CLDN5: variants seen among roughly 807,000 people sequenced by gnomAD.
The protein encoded by CLDN5 is claudin-5.
In CLDN5, 4 loss-of-function variants were observed where a neutral mutation model predicts 1.3. The observed-to-expected ratio is 3.07, with a 90% CI of 1.51 to 7.03. The LOEUF (loss-of-function observed/expected upper bound fraction) is 7.03. Among genes scored for constraint, CLDN5 ranks in the 30% most tolerant of loss-of-function variants. The probability of loss-of-function intolerance (pLI) is 0.00; values close to 1 mark genes in which losing one functional copy is unlikely to be tolerated. For synonymous variants in CLDN5, 156 were observed against 152.3 expected (o/e 1.02, Z -0.18); for missense variants, 225 against 303.5 (o/e 0.74, Z 1.92).
upstream of CLDN5, chr22:19,524,594 G>A: frequency 7.5e-7 from 1 of 1,332,362 alleles, no homozygotes; most frequent in Non-Finnish European, 9.6e-7. Flanking sequence ...GCGCGGGACC[G>A]CTCCCCGCCC....
Position 19,523,957 on chromosome 22 carries a change from G to T in CLDN5, c.299C>A (p.Ala100Glu). Residue 100 changes from alanine (A) to glutamate (E), a missense_variant, in exon 1 of 1, where the codon GCG becomes GAG. Physicochemically the swap from Ala to Glu is moderately radical, Grantham distance 107. Transcript: ENST00000618236. Reference sequence around the variant, plus strand: ...CACGCAGGTGGTGCACTGCGCGCCCGCCAGGGTCACGAAGAGCGCAACGAA... The same window carrying T: ...CACGCAGGTGGTGCACTGCGCGCCCTCCAGGGTCACGAAGAGCGCAACGAA... Reference protein sequence around the residue: ...LAFVALFVTLAGAQCTTCVAP... With the variant: ...LAFVALFVTLEGAQCTTCVAP... 1 of 1,588,174 alleles carries T rather than the reference G, an allele frequency of 6.3e-7. No homozygotes were observed. The highest frequency in any genetic ancestry group is 8.5e-7 in the Non-Finnish European group (1 of 1,172,502).
chr22:19,523,950 C>A lies in CLDN5; in HGVS notation c.306G>T (p.Ala102=). 1 of 1,589,350 alleles carries A rather than the reference C, an allele frequency of 6.3e-7. No homozygotes were observed. Among genetic ancestry groups the A allele is most frequent in the Non-Finnish European group, 8.5e-7 (1 of 1,172,772 alleles). Reference sequence around the variant, plus strand: ...CCGGGGCCACGCAGGTGGTGCACTGCGCGCCCGCCAGGGTCACGAAGAGCG... The same window carrying A: ...CCGGGGCCACGCAGGTGGTGCACTGAGCGCCCGCCAGGGTCACGAAGAGCG... ...FVALFVTLAG[A]QCTTCVAPGP... The change falls in exon 1 of 1, where the codon GCG becomes GCT. Residue 102 remains alanine, a synonymous_variant. Transcript: ENST00000618236.
At position 19,523,645 on chromosome 22, in the gene CLDN5, C is replaced by A; in HGVS notation, c.611G>T (p.Arg204Leu). Residue 204 changes from arginine to leucine, a missense_variant, in exon 1 of 1, where the codon CGG becomes CTG. This residue lies in a region of CLDN5 where 165 missense variants were observed against 211.9 expected (regional missense o/e 0.78). Coordinates refer to ENST00000618236, the MANE Select transcript of CLDN5 (RefSeq NM_001363066.2). ...GTAGTCGCCGGTGGCCGTGGGCCGCCGCGGCGCTGAGTACTTCACGGGGAA... is the reference window on the plus strand; with the variant it reads ...GTAGTCGCCGGTGGCCGTGGGCCGCAGCGGCGCTGAGTACTTCACGGGGAA... ...LSFPVKYSAP[R>L]RPTATGDYDK... 3.1e-6 allele frequency: 5 copies of A among 1,602,410 alleles called. No homozygotes were observed. The highest frequency in any genetic ancestry group is 4.2e-6 in the Non-Finnish European group (5 of 1,176,834).
upstream of CLDN5, chr22:19,524,760 C>T (rs555415909): frequency 5.4e-5 from 68 of 1,251,624 alleles, 1 homozygote; most frequent in African/African-American, 8.7e-4. Context: ...CCAGTCCACT[C>T]CCACATCCCC....
upstream of CLDN5, chr22:19,524,858 G>T (rs143312016): frequency 8.9e-7 from 1 of 1,128,856 alleles, no homozygotes; most frequent in African/African-American, 1.6e-5. Context: ...CACCGCCGTA[G>T]AGGCCCTCGT....
upstream of CLDN5, chr22:19,524,757 A>C: frequency 1.6e-6 from 2 of 1,249,832 alleles, no homozygotes; most frequent in Non-Finnish European, 2.0e-6. Context: ...CACCCAGTCC[A>C]CTCCCACATC....
In CLDN5 at chr22:19,523,744, G is replaced by T; in HGVS notation, c.512C>A (p.Thr171Asn). The stretch of plus-strand genomic sequence containing the variant: ...GCAGCCGCCTACCATGAGCAGCGCG[G>T]TGGCCGCCCAGCCGATGTACAGCGC... ...GAALYIGWAATALLMVGGCLL... is the reference protein window; with the variant it reads ...GAALYIGWAANALLMVGGCLL... Residue 171 changes from threonine to asparagine, a missense_variant, in exon 1 of 1, where the codon ACC (threonine) becomes AAC (asparagine). By Grantham distance (65) the Thr-to-Asn change is moderately conservative. Transcript: ENST00000618236. The T allele has an allele frequency of 6.2e-7, 1 of 1,605,084 alleles. No homozygotes were observed. Among genetic ancestry groups the T allele is most frequent in the Non-Finnish European group, 8.5e-7 (1 of 1,177,194 alleles).
chr22:19,523,935 G>C lies in CLDN5; in HGVS notation c.321C>G (p.Cys107Trp). The change falls in exon 1 of 1, where the codon TGC becomes TGG. Residue 107 changes from cysteine to tryptophan, a missense_variant. Physicochemically the swap from Cys to Trp is radical, Grantham distance 215. This residue lies in a region of CLDN5 where 165 missense variants were observed against 211.9 expected (regional missense o/e 0.78). Coordinates refer to ENST00000618236, the MANE Select transcript of CLDN5 (RefSeq NM_001363066.2). ...GCGCCTTGGCCGGGCCCGGGGCCAC[G>C]CAGGTGGTGCACTGCGCGCCCGCCA... ...VTLAGAQCTT[C>W]VAPGPAKARV... 1 of 1,593,626 alleles carries C rather than the reference G, an allele frequency of 6.3e-7. No individual in the cohort carries two copies. The highest frequency in any genetic ancestry group is 1.1e-5 in the South Asian group (1 of 89,842).
In CLDN5 at chr22:19,524,203, C is replaced by G; in HGVS notation, c.53G>C (p.Trp18Ser). Reference protein sequence around the residue: ...ILGLVLCLVGWGGLILACGLP... With the variant: ...ILGLVLCLVGSGGLILACGLP... ...CCCGCACGCCAGGATCAGACCCCCCCAGCCCACCAGGCACAGCACCAGGCC... is the reference window on the plus strand; with the variant it reads ...CCCGCACGCCAGGATCAGACCCCCCGAGCCCACCAGGCACAGCACCAGGCC... Residue 18 changes from tryptophan (W) to serine (S), a missense_variant, in exon 1 of 1, where the codon TGG (tryptophan) becomes TCG (serine). Transcript: ENST00000618236. The G allele has an allele frequency of 6.2e-7, 1 of 1,604,912 alleles. No individual in the cohort carries two copies. Among genetic ancestry groups the G allele is most frequent in the East Asian group, 2.3e-5 (1 of 44,392 alleles).
In CLDN5 at chr22:19,523,795, A is replaced by G; in HGVS notation, c.461T>C (p.Val154Ala). The change falls in exon 1 of 1, where the codon GTG becomes GCG. Residue 154 changes from valine (V) to alanine (A), a missense_variant. Val to Ala is a moderately conservative substitution (Grantham distance 64). Transcript: ENST00000618236. ...TGCGCCCAGCTCGTACTTCTGCGAC[A>G]CGGGCACAGACGGGTCGTAAAACTC... ...VREFYDPSVP[V>A]SQKYELGAAL... is the part of the protein sequence containing the mutation. 6.2e-7 allele frequency: 1 copy of G among 1,606,226 alleles called. No individual in the cohort carries two copies. The highest frequency in any genetic ancestry group is 8.5e-7 in the Non-Finnish European group (1 of 1,177,058).
chr22:19,524,354 C>G lies in CLDN5; in HGVS notation c.-99G>C. The G allele has an allele frequency of 6.7e-7, 1 of 1,482,022 alleles. No homozygotes were observed. The highest frequency in any genetic ancestry group is 9.0e-7 in the Non-Finnish European group (1 of 1,115,092). The allele number at this position is 1,482,022 out of a possible 1,614,324, so 91.8% of individuals were successfully genotyped here. ...CCTGGTGCCTTTGCGCCCGCGCTCC[C>G]GGCTCTTGGCCCCAGTCCGTTTGCC... On this transcript the variant is annotated 5_prime_UTR_variant, in exon 1 of 1. Coordinates refer to ENST00000618236, the MANE Select transcript of CLDN5 (RefSeq NM_001363066.2).
chr22:19,524,293 C>A lies in CLDN5; in HGVS notation c.-38G>T. 2 of 1,537,936 alleles carry A rather than the reference C, an allele frequency of 1.3e-6. No homozygotes were observed. The highest frequency in any genetic ancestry group is 1.2e-5 in the South Asian group (1 of 83,444). On this transcript the variant is annotated 5_prime_UTR_variant, in exon 1 of 1. Transcript: ENST00000618236. ...GACGCGCACCCGAAGGCCCGCAGAA[C>A]CCCCAAGGCCGTGCTGCGCGGCGCC...
chr22:19,524,643 G>A (rs1568944422), upstream of CLDN5: 1 of 1,343,564 alleles, frequency 7.4e-7, no homozygotes, highest in Non-Finnish European at 9.5e-7. Flanking sequence ...TGTCCTAGTC[G>A]CGGCCGAGCG....
rs750464178 is a variant in CLDN5 at position 19,524,059 on chromosome 22, A to G, written c.197T>C (p.Val66Ala). ...GCTCAGAGCCAGCACCGAGTCGTAC[A>G]CTTTGCACTGCATGTGCCCGGTGCT... ...VQSTGHMQCK[V>A]YDSVLALSTE... Residue 66 changes from valine (V) to alanine (A), a missense_variant, in exon 1 of 1, where the codon GTG (valine) becomes GCG (alanine). Val to Ala is a moderately conservative substitution (Grantham distance 64). Transcript: ENST00000618236. 6.2e-7 allele frequency: 1 copy of G among 1,603,928 alleles called. No individual in the cohort carries two copies. Among genetic ancestry groups the G allele is most frequent in the Non-Finnish European group, 8.5e-7 (1 of 1,179,424 alleles).
Position 19,523,570 on chromosome 22 carries a change from C to CA in CLDN5, c.*28dup. 1 of 1,529,084 alleles carries CA rather than the reference C, an allele frequency of 6.5e-7. No homozygotes were observed. Among genetic ancestry groups the CA allele is most frequent in the Non-Finnish European group, 8.7e-7 (1 of 1,144,850 alleles). 94.7% of individuals were successfully genotyped at this position (1,529,084 alleles called of 1,614,324 possible). On this transcript the variant is annotated 3_prime_UTR_variant, in exon 1 of 1. Coordinates refer to ENST00000618236, the MANE Select transcript of CLDN5 (RefSeq NM_001363066.2). Reference sequence around the variant, plus strand: ...TCCAACGCCTCGCAGGCGTGGCTGGCAGGAGGGGCCCGGCCGTGCCCAGCG... The same window carrying CA: ...TCCAACGCCTCGCAGGCGTGGCTGGCAAGGAGGGGCCCGGCCGTGCCCAGCG...
At chr22:19,525,326 G>A, upstream of CLDN5, 1 of 998,774 alleles carries the variant, frequency 1.0e-6, no homozygotes. Context: ...CTGGCCTTCA[G>A]ACAGGAGAGA....
rs1449954312 is a variant in CLDN5 at position 19,523,556 on chromosome 22, G to T, written c.*43C>A. On this transcript the variant is annotated 3_prime_UTR_variant, in exon 1 of 1. Transcript: ENST00000618236. ...GCTCCCCAGGCTTATCCAACGCCTC[G>T]CAGGCGTGGCTGGCAGGAGGGGCCC... 15 of 1,518,138 alleles carry T rather than the reference G, an allele frequency of 9.9e-6. No individual in the cohort carries two copies. Among genetic ancestry groups the T allele is most frequent in the Middle Eastern group, 2.4e-4 (1 of 4,172 alleles). 94.0% of individuals were successfully genotyped at this position (1,518,138 alleles called of 1,614,324 possible).
At chr22:19,525,108 C>T (rs1228429872), upstream of CLDN5, 6 of 1,000,620 alleles carry the variant, frequency 6.0e-6, no homozygotes, top group African/African-American at 1.7e-5. Context: ...GGGCTTTCCC[C>T]CTGCCTGGCG....
chr22:19,523,663 A>C lies in CLDN5; in HGVS notation c.593T>G (p.Val198Gly), dbSNP rs925713803. ...GGGCCGCCGCGGCGCTGAGTACTTC[A>C]CGGGGAAGCTGAGGTCGGGACGGCC... ...CTGRPDLSFP[V>G]KYSAPRRPTA... Residue 198 changes from valine (V) to glycine (G), a missense_variant, in exon 1 of 1, where the codon GTG becomes GGG. Physicochemically the swap from Val to Gly is moderately radical, Grantham distance 109. Transcript: ENST00000618236. 6 of 1,606,980 alleles carry C rather than the reference A, an allele frequency of 3.7e-6. No homozygotes were observed. In the Admixed American group the frequency reaches 5.0e-5, roughly 13 times the overall value.
Sources: allele counts gnomAD v4.1 joint callset, GRCh38; gene constraint gnomAD v4.1.1; regional missense constraint gnomAD v4.1.1; transcripts MANE v1.5; gene names NCBI Gene and HGNC (gene_info 2026-07-23, HGNC 2026-07-21).